Variants in ABCC5 observed in about 807,000 individuals in gnomAD.
ABCC5 encodes ATP-binding cassette sub-family C member 5.
Under a neutral mutation model 160.9 loss-of-function variants are expected in ABCC5, and 61 were observed. That is an observed-to-expected ratio of 0.38 (90% CI 0.31 to 0.47). The LOEUF is 0.47. Among genes scored for constraint, ABCC5 ranks in the 20% least tolerant of loss-of-function variants. The pLI is 0.99. For synonymous variants in ABCC5, 666 were observed against 700.6 expected (o/e 0.95, Z 0.78); for missense variants, 1,308 against 1,813.3 (o/e 0.72, Z 5.06).
At position 183,951,851 on chromosome 3, in the gene ABCC5, G is replaced by A. The variant is rs770617428; in HGVS notation, c.2814+6C>T. On this transcript the variant is annotated splice_donor_region_variant and intron_variant, in intron 19 of 29. Coordinates refer to ENST00000334444, the MANE Select transcript of ABCC5 (RefSeq NM_005688.4). The surrounding 1 kb of genome is among the most constrained non-coding windows in gnomAD (Gnocchi z 4.7). ...AGGAGGGCAGAGACCACCCACCAAT[G>A]CATACCTTGACAAAGACAACTCCTC... 16 of 1,612,812 alleles carry A rather than the reference G, an allele frequency of 9.9e-6. No individual in the cohort carries two copies. Among genetic ancestry groups the A allele is most frequent in the Non-Finnish European group, 1.4e-5 (16 of 1,179,548 alleles).
At chr3:183,944,846 T>C (rs776057593) in intron 24 of ABCC5, among the ~76,000 whole-genome samples, 8 of 152,208 alleles carry the variant, frequency 5.3e-5, no homozygotes, top group Admixed American at 1.3e-4. Flanking sequence ...CACCCCTTGA[T>C]GTGGTTTGGC....
intron 5 of ABCC5, chr3:183,983,576 A>T: frequency 4.4e-6 from 1 of 229,730 alleles, no homozygotes; most frequent in Non-Finnish European, 7.2e-6. Context: ...CCCACTCCCG[A>T]CTCCCTCCCA....
intron 10 of ABCC5, among the ~76,000 whole-genome samples, chr3:183,976,588 C>T (rs773157219): frequency 6.6e-5 from 10 of 152,116 alleles, no homozygotes; most frequent in Non-Finnish European, 1.0e-4. Context: ...AAAAGTCACC[C>T]GGTCAACTGT....
Position 183,981,791 on chromosome 3 carries a change from A to C in ABCC5, c.1083T>G (p.Val361=). 1 of 1,611,306 alleles carries C rather than the reference A, an allele frequency of 6.2e-7. No individual in the cohort carries two copies. Among genetic ancestry groups the C allele is most frequent in the Non-Finnish European group, 8.5e-7 (1 of 1,179,240 alleles). Reference sequence around the variant, plus strand: ...TTTTGATAAATTTAATGTAAGTAAGAACTTCATTCATCTTCTGGACACGTT... The same window carrying C: ...TTTTGATAAATTTAATGTAAGTAAGCACTTCATTCATCTTCTGGACACGTT... ...TDERVQKMNE[V]LTYIKFIKMY... Residue 361 remains valine, a synonymous_variant, in exon 8 of 30, where the codon GTT becomes GTG. Transcript: ENST00000334444.
chr3:183,921,188 A>G lies in ABCC5; in HGVS notation c.*112T>C, dbSNP rs1711932103. ...CAAGCCAATCCGGAACTGCTGTGCG[A>G]AAGATAAAATCGAGAAAGGCAAGGT... On this transcript the variant is annotated 3_prime_UTR_variant, in exon 30 of 30. Coordinates refer to ENST00000334444, the MANE Select transcript of ABCC5 (RefSeq NM_005688.4). This position sits in a 1 kb window ranked among gnomAD's most constrained non-coding sequence, Gnocchi z 4.1. 1.6e-6 allele frequency: 1 copy of G among 608,100 alleles called. No individual in the cohort carries two copies. Among genetic ancestry groups the G allele is most frequent in the African/African-American group, 1.9e-5 (1 of 53,348 alleles). 37.7% of individuals were successfully genotyped at this position (608,100 alleles called of 1,614,324 possible). A position where few individuals can be genotyped will look rare whatever the true frequency, so the allele number is the denominator to read the frequency against.
rs987751119 is a variant in ABCC5, at chr3:183,921,450, G to A, written c.4213-49C>T. 3.8e-6 allele frequency: 6 copies of A among 1,564,030 alleles called. No individual in the cohort carries two copies. The African/African-American group carries it at 6.9e-5, about 18-fold the overall frequency. ...AGGACACAGCTCTGGGTCATGCAGGGTGATTCAGAGGATCCACGGCTCAGT... is the reference window on the plus strand; with the variant it reads ...AGGACACAGCTCTGGGTCATGCAGGATGATTCAGAGGATCCACGGCTCAGT... On this transcript the variant is annotated intron_variant, in intron 29 of 29. Transcript: ENST00000334444. The surrounding 1 kb of genome is among the most constrained non-coding windows in gnomAD (Gnocchi z 4.1).
chr3:183,957,138 G>A lies in ABCC5; in HGVS notation c.2482+2595C>T, dbSNP rs540624537. Among the ~76,000 whole-genome samples, 14 of 89,100 alleles carry A rather than the reference G, an allele frequency of 1.6e-4. No homozygotes were observed. In the South Asian group the frequency reaches 2.3e-3, roughly 14 times the overall value. The allele number at this position is 89,100 out of a possible 152,430, so 58.5% of individuals were successfully genotyped here. On this transcript the variant is annotated intron_variant, in intron 17 of 29. Coordinates refer to ENST00000334444, the MANE Select transcript of ABCC5 (RefSeq NM_005688.4). ...TGTGTACATCACATCGGTTACATGC[G>A]GGTCCGTGTGTACATCACATCGGTT... is the stretch of plus-strand genomic sequence containing the variant.
At chr3:183,990,503 CACT>C (rs1246993398) in intron 2 of ABCC5, among the ~76,000 whole-genome samples, 3 of 152,168 alleles carry the variant, frequency 2.0e-5, no homozygotes, top group Non-Finnish European at 4.4e-5. Flanking sequence ...TCAATTATTT[CACT>C]ACTAACTGAA....
At chr3:183,942,487 T>C (rs561750462) in intron 25 of ABCC5, 1 of 655,876 alleles carries the variant, frequency 1.5e-6, no homozygotes, top group South Asian at 1.5e-5. Flanking sequence ...GCTGCTCCTC[T>C]TTCGTACTTG....
At position 183,919,945 on chromosome 3, in the gene ABCC5, C is replaced by CCAA. The variant is rs1396885520; in HGVS notation, c.*1352_*1354dup. 7 of 152,700 alleles carry CCAA rather than the reference C, an allele frequency of 4.6e-5. No homozygotes were observed. The highest frequency in any genetic ancestry group is 1.7e-4 in the African/African-American group (7 of 41,570). The allele number at this position is 152,700 out of a possible 1,614,324, so 9.5% of individuals were successfully genotyped here. A position where few individuals can be genotyped will look rare whatever the true frequency, so the allele number is the denominator to read the frequency against. On this transcript the variant is annotated 3_prime_UTR_variant, in exon 30 of 30. Coordinates refer to ENST00000334444, the MANE Select transcript of ABCC5 (RefSeq NM_005688.4). ...TGATACACGAAGAGTTTTACAAAAT[C>CCAA]CAAAATAATTTTATTCACATTTTCA...
chr3:183,993,354 C>T (rs1019086715), intron 2 of ABCC5, among the ~76,000 whole-genome samples: 2 of 151,842 alleles, frequency 1.3e-5, no homozygotes, highest in African/African-American at 4.8e-5. Flanking sequence ...CGTGGTGGCA[C>T]ACACCTATAG....
At chr3:183,974,869 T>C (rs1383201226) in intron 10 of ABCC5, among the ~76,000 whole-genome samples, 1 of 152,186 alleles carries the variant, frequency 6.6e-6, no homozygotes, top group Non-Finnish European at 1.5e-5. Flanking sequence ...TCCTGCCATA[T>C]GCACTTGCAG....
rs1718987870 is a variant in ABCC5, at chr3:183,984,138, G to C, written c.592-1131C>G. On this transcript the variant is annotated intron_variant, in intron 5 of 29. Transcript: ENST00000334444. ...GAAAAGCTCCCCAAAGAGGTACTCT[G>C]CTCAAAATGGCTGGTGCTACTGGTG... is the stretch of plus-strand genomic sequence containing the variant. 6.1e-6 allele frequency: 6 copies of C among 985,402 alleles called. No individual in the cohort carries two copies. The South Asian group carries it at 2.8e-4, about 46-fold the overall frequency. 61.0% of individuals were successfully genotyped at this position (985,402 alleles called of 1,614,324 possible). A position where few individuals can be genotyped will look rare whatever the true frequency, so the allele number is the denominator to read the frequency against.
At chr3:184,006,996 T>C (rs1242689182) in intron 2 of ABCC5, among the ~76,000 whole-genome samples, 2 of 150,254 alleles carry the variant, frequency 1.3e-5, no homozygotes, top group African/African-American at 4.9e-5. Flanking sequence ...TAATGGTACA[T>C]GAACTTTAGT....
Position 183,951,566 on chromosome 3 carries a change from G to A in ABCC5, c.2819C>T (p.Thr940Met), listed in dbSNP as rs369172881. Residue 940 changes from threonine (T) to methionine (M), a missense_variant, in exon 20 of 30, where the codon ACG becomes ATG. By Grantham distance (81) the Thr-to-Met change is moderately conservative. This residue lies in a region of ABCC5 where 1,142 missense variants were observed against 1,527.1 expected (regional missense o/e 0.75). Transcript: ENST00000334444. This position sits in a 1 kb window ranked among gnomAD's most constrained non-coding sequence, Gnocchi z 4.7. ...AIRGVVFVKG[T>M]LRASSRLHDE... ...ATGCAGCCGGGAGGAAGCTCGCAGCGTGCCCTGAGGAGCAGAGCACAGAGT... is the reference window on the plus strand; with the variant it reads ...ATGCAGCCGGGAGGAAGCTCGCAGCATGCCCTGAGGAGCAGAGCACAGAGT... 56 of 1,614,056 alleles carry A rather than the reference G, an allele frequency of 3.5e-5. No individual in the cohort carries two copies. The highest frequency in any genetic ancestry group is 4.2e-5 in the Non-Finnish European group (50 of 1,179,982).
intron 24 of ABCC5, among the ~76,000 whole-genome samples, chr3:183,943,236 T>C (rs73884809): frequency 3.3e-5 from 5 of 152,104 alleles, no homozygotes; most frequent in Non-Finnish European, 7.3e-5. Flanking sequence ...CGGGCAGACA[T>C]GAGGCCTTCC....
intron 2 of ABCC5, among the ~76,000 whole-genome samples, chr3:183,997,270 G>A (rs1434840421): frequency 1.3e-5 from 2 of 152,126 alleles, no homozygotes. Context: ...TTAGAAGATA[G>A]ATACAGATTT....
chr3:183,954,209 G>A (rs1019258455), intron 17 of ABCC5, among the ~76,000 whole-genome samples: 7 of 152,058 alleles, frequency 4.6e-5, no homozygotes, highest in Non-Finnish European at 8.8e-5. Context: ...GTGCAGTGGC[G>A]TGATCTCAGC....
chr3:183,985,858 T>C (rs1576900705), intron 5 of ABCC5: 1 of 187,192 alleles, frequency 5.3e-6, no homozygotes, highest in South Asian at 1.1e-4. Context: ...GGCTGGCAGG[T>C]AAAAACAAAC....
Sources: gnomAD v4.1 joint callset for allele counts (sites outside exome capture counted in the v4.1 genomes callset) on GRCh38, gnomAD v4.1.1 for gene constraint, gnomAD v4.1.1 regional missense constraint, Gnocchi (gnomAD v3.1) non-coding constraint, MANE v1.5 for transcripts, NCBI Gene and HGNC (gene_info 2026-07-23, HGNC 2026-07-21) for gene names.